The following DPEP3 variants were observed in gnomAD, a reference collection of about 807,000 sequenced individuals.
DPEP3 encodes dipeptidase 3.
A neutral mutation model predicts 47.5 loss-of-function variants in DPEP3; 42 were observed. The observed-to-expected ratio is 0.88, with a 90% CI of 0.69 to 1.14. The LOEUF (loss-of-function observed/expected upper bound fraction) is 1.14, where lower values mean the gene tolerates loss of function less well. DPEP3 is among the 50% of genes most tolerant of loss of function. The pLI is 0.00. For missense variants in DPEP3, 560 were observed against 635.0 expected (o/e 0.88, Z 1.27); for synonymous variants, 276 against 270.2 (o/e 1.02, Z -0.21).
Position 67,980,465 on chromosome 16 carries a change from G to C in DPEP3, c.-85C>G, listed in dbSNP as rs1039992060. On this transcript the variant is annotated 5_prime_UTR_variant, in exon 1 of 10. Transcript: ENST00000268793. ...ATGGGGTCCGGATCATGACGACCCA[G>C]CCTCCCGAAGAGGGGGTTGAAGTCA... The C allele has an allele frequency of 1.5e-5, 22 of 1,441,406 alleles. No individual in the cohort carries two copies. The highest frequency in any genetic ancestry group is 2.0e-5 in the Non-Finnish European group (22 of 1,097,660). The allele number at this position is 1,441,406 out of a possible 1,614,324, so 89.3% of individuals were successfully genotyped here. A position where few individuals can be genotyped will look rare whatever the true frequency, so the allele number is the denominator to read the frequency against.
rs185032662 is a variant in DPEP3, at chr16:67,977,256, G to A, written c.1018+14C>T. The A allele has an allele frequency of 4.5e-4, 733 of 1,612,958 alleles. 11 individuals carry two copies. In the East Asian group the frequency reaches 0.016, roughly 35 times the overall value. On this transcript the variant is annotated intron_variant, in intron 7 of 9. Transcript: ENST00000268793. Reference sequence around the variant, plus strand: ...GCCCAAGCCAGCACTGCACAAAGCTGAGGTGGGACTTACCTGCCACAGTGG... The same window carrying A: ...GCCCAAGCCAGCACTGCACAAAGCTAAGGTGGGACTTACCTGCCACAGTGG...
Position 67,977,312 on chromosome 16 carries a change from C to A in DPEP3, c.976G>T (p.Val326Leu). Residue 326 changes from valine (V) to leucine (L), a missense_variant, in exon 7 of 10, where the codon GTG becomes TTG. Physicochemically the swap from Val to Leu is conservative, Grantham distance 32. Transcript: ENST00000268793. Reference protein sequence around the residue: ...GIVMVTLSMGVLQCNLLANVS... With the variant: ...GIVMVTLSMGLLQCNLLANVS... ...TTAGCAAGCAGGTTGCACTGCAGCA[C>A]CCCCATGGACAGTGTCACCATCACG... The A allele has an allele frequency of 1.3e-5, 21 of 1,613,914 alleles. No individual in the cohort carries two copies. Among genetic ancestry groups the A allele is most frequent in the Non-Finnish European group, 1.8e-5 (21 of 1,179,872 alleles).
chr16:67,979,531 T>C, intron 2 of DPEP3, 108 bp downstream of exon 2: 1 of 1,513,342 alleles, frequency 6.6e-7, no homozygotes, highest in Admixed American at 1.9e-5. Context: ...GATGGCACAC[T>C]GCATGCCCCA....
chr16:67,979,774 G>C lies in DPEP3; in HGVS notation c.288-9C>G. 1 of 1,613,520 alleles carries C rather than the reference G, an allele frequency of 6.2e-7. No homozygotes were observed. The highest frequency in any genetic ancestry group is 8.5e-7 in the Non-Finnish European group (1 of 1,179,774). ...GGGGCAGGTCATTGTGGCTGGGGGT[G>C]TGAAGGTCAGATGGAAACACCGCCT... is the stretch of plus-strand genomic sequence containing the variant. On this transcript the variant is annotated splice_polypyrimidine_tract_variant and intron_variant, in intron 1 of 9. Transcript: ENST00000268793.
Position 67,977,659 on chromosome 16 carries a change from C to T in DPEP3, c.927G>A (p.Gln309=). Residue 309 remains glutamine, a synonymous_variant, in exon 6 of 10, where the codon CAG becomes CAA. Transcript: ENST00000268793. The part of the protein sequence containing the change: ...NLLNVPDDIL[Q]LLKKNGGIVM... Reference sequence around the variant, plus strand: ...AGCTGGGATGGCCACTCACCAGAAGCTGCAGGATATCATCGGGAACATTCA... The same window carrying T: ...AGCTGGGATGGCCACTCACCAGAAGTTGCAGGATATCATCGGGAACATTCA... The T allele has an allele frequency of 6.2e-7, 1 of 1,610,668 alleles. No homozygotes were observed. The highest frequency in any genetic ancestry group is 8.5e-7 in the Non-Finnish European group (1 of 1,178,450).
rs2031202877 is a variant in DPEP3, at chr16:67,976,697, C to T, written c.1094+3G>A. The T allele has an allele frequency of 6.2e-7, 1 of 1,613,940 alleles. No homozygotes were observed. The highest frequency in any genetic ancestry group is 8.5e-7 in the Non-Finnish European group (1 of 1,179,932). ...CTAAGAGAAACCTCAGGGAAGCACT[C>T]ACCGGCCAGTCCCGTCATAATTTCC... On this transcript the variant is annotated splice_donor_region_variant and intron_variant, in intron 8 of 9. Transcript: ENST00000268793.
At chr16:67,977,873 TGCA>T in intron 5 of DPEP3, 44 bp from the exon 6 acceptor site, 1 of 1,613,644 alleles carries the variant, frequency 6.2e-7, no homozygotes, top group Non-Finnish European at 8.5e-7. Context: ...GGTGTTGGGG[TGCA>T]AAGGTGTACA....
In DPEP3 at chr16:67,976,759, G is replaced by A. The variant is rs1416173882; in HGVS notation, c.1035C>T (p.Ile345=). 3 of 1,614,066 alleles carry A rather than the reference G, an allele frequency of 1.9e-6. No homozygotes were observed. Among genetic ancestry groups the A allele is most frequent in the South Asian group, 2.2e-5 (2 of 91,046 alleles). Residue 345 remains isoleucine, a synonymous_variant, in exon 8 of 10, where the codon ATC becomes ATT. Coordinates refer to ENST00000268793, the MANE Select transcript of DPEP3 (RefSeq NM_001370198.1). ...VSTVADHFDH[I]RAVIGSEFIG... is the part of the protein sequence containing the mutation. Reference sequence around the variant, plus strand: ...TGAACTCAGATCCAATGACTGCCCTGATGTGGTCAAAGTGATCTAGGGTGG... The same window carrying A: ...TGAACTCAGATCCAATGACTGCCCTAATGTGGTCAAAGTGATCTAGGGTGG...
At chr16:67,979,577 T>C (rs1242554218) in intron 2 of DPEP3, 62 bp downstream of exon 2, 6 of 1,600,624 alleles carry the variant, frequency 3.7e-6, no homozygotes, top group Non-Finnish European at 5.1e-6. Context: ...CTGACCCAGG[T>C]TTCTGTGACC....
chr16:67,980,420 G>A lies in DPEP3; in HGVS notation c.-40C>T. 2 of 1,487,256 alleles carry A rather than the reference G, an allele frequency of 1.3e-6. No homozygotes were observed. The highest frequency in any genetic ancestry group is 1.8e-6 in the Non-Finnish European group (2 of 1,119,350). 92.1% of individuals were successfully genotyped at this position (1,487,256 alleles called of 1,614,324 possible). ...GGCCGCGGGAGCCTGGGAGGAGCAGGCGATGGGCAGAGGCCGACAATGGGG... is the reference window on the plus strand; with the variant it reads ...GGCCGCGGGAGCCTGGGAGGAGCAGACGATGGGCAGAGGCCGACAATGGGG... On this transcript the variant is annotated 5_prime_UTR_variant, in exon 1 of 10. Coordinates refer to ENST00000268793, the MANE Select transcript of DPEP3 (RefSeq NM_001370198.1).
Position 67,978,581 on chromosome 16 carries a change from C to T in DPEP3, c.460G>A (p.Val154Met), listed in dbSNP as rs200103050. Reference sequence around the variant, plus strand: ...TCAATCTGCTCCAGGGCGAGGCGCACGGCAGTCTGGTCCTGGGACTGGCAT... The same window carrying T: ...TCAATCTGCTCCAGGGCGAGGCGCATGGCAGTCTGGTCCTGGGACTGGCAT... ...VSCQSQDQTA[V>M]RLALEQIDLI... The change falls in exon 3 of 10, where the codon GTG becomes ATG. Residue 154 changes from valine to methionine, a missense_variant. Transcript: ENST00000268793. This position sits in a 1 kb window ranked among gnomAD's most constrained non-coding sequence, Gnocchi z 4.4. 4.2e-5 allele frequency: 68 copies of T among 1,613,912 alleles called. No individual in the cohort carries two copies. Among genetic ancestry groups the T allele is most frequent in the Admixed American group, 8.3e-5 (5 of 60,000 alleles).
rs80052372 is a variant in DPEP3, at chr16:67,976,074, G to T, written c.1230+19C>A. 20,842 of 1,614,078 alleles carry T rather than the reference G, an allele frequency of 0.013. 1,040 individuals carry two copies. The African/African-American group carries it at 0.15, about 12-fold the overall frequency. Reference sequence around the variant, plus strand: ...CCTTCTCAAACCACTGAACCATCCTGTCCACCAGCCCAGCTTACCTTTTCC... The same window carrying T: ...CCTTCTCAAACCACTGAACCATCCTTTCCACCAGCCCAGCTTACCTTTTCC... On this transcript the variant is annotated intron_variant, in intron 9 of 9. Coordinates refer to ENST00000268793, the MANE Select transcript of DPEP3 (RefSeq NM_001370198.1).
rs2031258507 is a variant in DPEP3 at position 67,978,784 on chromosome 16, T to G, written c.415-158A>C. 6.6e-6 allele frequency among the ~76,000 whole-genome samples: 1 copy of G among 152,150 alleles called. No individual in the cohort carries two copies. Among genetic ancestry groups the G allele is most frequent in the African/African-American group, 2.4e-5 (1 of 41,418 alleles). ...GTACCTTGATGACTTTTTTTAAAAT[T>G]ATTTTTTATTTTTATTTTAAAATTT... On this transcript the variant is annotated intron_variant, in intron 2 of 9. Transcript: ENST00000268793. The surrounding 1 kb of genome is among the most constrained non-coding windows in gnomAD (Gnocchi z 4.4).
rs769592394 is a variant in DPEP3, at chr16:67,977,968, G to T, written c.726C>A (p.Thr242=). 2 of 1,613,854 alleles carry T rather than the reference G, an allele frequency of 1.2e-6. No homozygotes were observed. The highest frequency in any genetic ancestry group is 3.3e-5 in the Admixed American group (2 of 59,994). The change falls in exon 5 of 10, where the codon ACC becomes ACA. Residue 242 remains threonine, a synonymous_variant. Transcript: ENST00000268793. The part of the protein sequence containing the change: ...SSTKFRHHMY[T]NVSGLTSFGE... ...CAAAGCTTGTCAATCCGCTGACGTT[G>T]GTGTACATGTGGTGTCTGAACTTGG... is the stretch of plus-strand genomic sequence containing the variant.
At chr16:67,979,865 AC>A (rs2031284767) in intron 1 of DPEP3, 100 bp from the exon 2 acceptor site, 1 of 1,525,722 alleles carries the variant, frequency 6.6e-7, no homozygotes, top group Non-Finnish European at 8.8e-7. Flanking sequence ...GCACCTCCTC[AC>A]ACAGACCATA....
At position 67,980,330 on chromosome 16, in the gene DPEP3, C is replaced by T; in HGVS notation, c.51G>A (p.Leu17=). 2 of 1,554,124 alleles carry T rather than the reference C, an allele frequency of 1.3e-6. No individual in the cohort carries two copies. The highest frequency in any genetic ancestry group is 2.3e-5 in the South Asian group (2 of 85,184). Residue 17 remains leucine (L), a synonymous_variant, in exon 1 of 10, where the codon CTG becomes CTA. Transcript: ENST00000268793. ...EGSRALSRRY[L]RRLLLLLLLL... ...GCAGTAGCAGGAGCAGCAGACGCCG[C>T]AGATACCGCCGGCTGAGCGCGCGGG...
Position 67,977,361 on chromosome 16 carries a change from G to C in DPEP3, c.934-7C>G. ...CGATGCCACCGTTCTTCTTCTAGAG[G>C]GATAAAGGGATACTCATCTCAGCCC... is the stretch of plus-strand genomic sequence containing the variant. On this transcript the variant is annotated splice_region_variant and splice_polypyrimidine_tract_variant and intron_variant, in intron 6 of 9. Transcript: ENST00000268793. The C allele has an allele frequency of 1.9e-6, 3 of 1,613,168 alleles. No homozygotes were observed. Among genetic ancestry groups the C allele is most frequent in the Non-Finnish European group, 2.5e-6 (3 of 1,179,418 alleles).
intron 6 of DPEP3, 23 bp from the exon 7 acceptor site, chr16:67,977,377 A>C: frequency 6.2e-7 from 1 of 1,609,782 alleles, no homozygotes; most frequent in East Asian, 2.2e-5. Flanking sequence ...AGGGATACTC[A>C]TCTCAGCCCT....
At chr16:67,979,084 C>A (rs996164954) in intron 2 of DPEP3, among the ~76,000 whole-genome samples, 3 of 152,168 alleles carry the variant, frequency 2.0e-5, no homozygotes, top group Non-Finnish European at 4.4e-5. Context: ...GAGGGTGGAT[C>A]ATGTGAGGTC....
Sources: allele counts gnomAD v4.1 joint callset (sites outside exome capture counted in the v4.1 genomes callset), GRCh38; gene constraint gnomAD v4.1.1; non-coding constraint Gnocchi (gnomAD v3.1); transcripts MANE v1.5; gene names NCBI Gene and HGNC (gene_info 2026-07-23, HGNC 2026-07-21).